Variants in CASZ1 observed in about 807,000 individuals in gnomAD.
The protein encoded by CASZ1 is castor zinc finger 1, also known as zinc finger protein castor homolog 1.
Under a neutral mutation model 135.2 loss-of-function variants are expected in CASZ1, and 28 were observed. The observed-to-expected ratio is 0.21, with a 90% CI of 0.15 to 0.28. The LOEUF is 0.28. Ranked by LOEUF, CASZ1 falls within the 10% of genes least tolerant of loss-of-function variation. CASZ1 has a pLI of 1.00. For synonymous variants in CASZ1, 1,068 were observed against 1,073.4 expected (o/e 0.99, Z 0.10); for missense variants, 2,161 against 2,453.3 (o/e 0.88, Z 2.52).
At chr1:10,795,252 T>C (rs945431873) in intron 1 of CASZ1, among the ~76,000 whole-genome samples, 4 of 151,890 alleles carry the variant, frequency 2.6e-5, no homozygotes, top group Non-Finnish European at 5.9e-5. Context: ...CCTCCGTCAG[T>C]CACCACGCTC....
intron 2 of CASZ1, among the ~76,000 whole-genome samples, chr1:10,728,696 A>G (rs920569568): frequency 1.3e-5 from 2 of 151,786 alleles, no homozygotes; most frequent in Non-Finnish European, 2.9e-5. Flanking sequence ...CTTGAAAAAA[A>G]GCCTCGTTAG....
At chr1:10,672,894 A>G (rs924735393) in intron 4 of CASZ1, among the ~76,000 whole-genome samples, 9 of 152,136 alleles carry the variant, frequency 5.9e-5, no homozygotes, top group Non-Finnish European at 1.2e-4. Context: ...TGGCCTTAAT[A>G]TTTAATTTTG....
intron 1 of CASZ1, among the ~76,000 whole-genome samples, chr1:10,782,275 G>C (rs1251186673): frequency 6.6e-6 from 1 of 152,208 alleles, no homozygotes; most frequent in Non-Finnish European, 1.5e-5. Context: ...GAGAGGGCCT[G>C]GTACTAGTAA....
Position 10,643,272 on chromosome 1 carries a change from A to T in CASZ1, c.3908T>A (p.Ile1303Asn). 1 of 1,613,080 alleles carries T rather than the reference A, an allele frequency of 6.2e-7. No individual in the cohort carries two copies. Among genetic ancestry groups the T allele is most frequent in the Non-Finnish European group, 8.5e-7 (1 of 1,179,998 alleles). ...GAAGGAGAACTGGCAGCCCTCCCGG[A>T]TGCAGTGGAAGTGGCTGTTCACCTG... is the stretch of plus-strand genomic sequence containing the variant. ...YNQVNSHFHC[I>N]REGCQFSFLL... The change falls in exon 19 of 21, where the codon ATC becomes AAC. Residue 1303 changes from isoleucine to asparagine, a missense_variant. Physicochemically the swap from Ile to Asn is moderately radical, Grantham distance 149. This residue lies in a region of CASZ1 where 349 missense variants were observed against 460.8 expected (regional missense o/e 0.76). Transcript: ENST00000377022.
intron 4 of CASZ1, among the ~76,000 whole-genome samples, chr1:10,669,159 C>T (rs1212975889): frequency 2.0e-5 from 3 of 152,200 alleles, no homozygotes; most frequent in Non-Finnish European, 2.9e-5. Context: ...CCAGCGGAGC[C>T]GGCACTGTCA....
rs1218343373 is a variant in CASZ1 at position 10,759,534 on chromosome 1, T to C, written c.-77+1167A>G. The stretch of plus-strand genomic sequence containing the variant: ...ACCAAAGGCCACATTTGCATCTGAT[T>C]TGCAAATCTCTGGGCTGTATCCAGA... On this transcript the variant is annotated intron_variant, in intron 2 of 20. Transcript: ENST00000377022. The surrounding 1 kb of genome is among the most constrained non-coding windows in gnomAD (Gnocchi z 4.2). Among the ~76,000 whole-genome samples the C allele has an allele frequency of 6.6e-6, 1 of 152,162 alleles. No homozygotes were observed. The highest frequency in any genetic ancestry group is 1.5e-5 in the Non-Finnish European group (1 of 68,036).
chr1:10,664,672 C>T (rs72858538), intron 5 of CASZ1, among the ~76,000 whole-genome samples: 3,269 of 152,112 alleles, frequency 0.021, 130 homozygotes, highest in South Asian at 0.11. Context: ...AGGCTCATGC[C>T]GTTGACCGCT....
chr1:10,766,070 G>T (rs573847287), intron 1 of CASZ1, among the ~76,000 whole-genome samples: 1 of 152,210 alleles, frequency 6.6e-6, no homozygotes, highest in Non-Finnish European at 1.5e-5. Flanking sequence ...GATGTGTGGG[G>T]GTTGGGGAGA....
At chr1:10,718,181 G>A (rs985262614) in intron 2 of CASZ1, among the ~76,000 whole-genome samples, 2 of 152,124 alleles carry the variant, frequency 1.3e-5, no homozygotes, top group Non-Finnish European at 2.9e-5. Flanking sequence ...AGTGAGAGAT[G>A]TTCCTCCCCC....
rs888544030 is a variant in CASZ1 at position 10,794,100 on chromosome 1, T to C, written c.-234+2464A>G. 1.5e-4 allele frequency among the ~76,000 whole-genome samples: 23 copies of C among 152,070 alleles called. No individual in the cohort carries two copies. The highest frequency in any genetic ancestry group is 1.5e-5 in the Non-Finnish European group (1 of 67,976). ...TCCCCATGCCCGGCGCAGCTGCTCC[T>C]GCTCAGCCGGGACAGCTCCCTTTAG... On this transcript the variant is annotated intron_variant, in intron 1 of 20. Coordinates refer to ENST00000377022, the MANE Select transcript of CASZ1 (RefSeq NM_001079843.3). The surrounding 1 kb of genome is among the most constrained non-coding windows in gnomAD (Gnocchi z 5.6).
At chr1:10,718,039 TGGGA>T (rs1639426979) in intron 2 of CASZ1, among the ~76,000 whole-genome samples, 1 of 152,222 alleles carries the variant, frequency 6.6e-6, no homozygotes. Flanking sequence ...CACACATCCC[TGGGA>T]GGTGGGTGGA....
rs1445675323 is a variant in CASZ1, at chr1:10,796,639, G to C, written c.-309C>G. Reference sequence around the variant, plus strand: ...GTGTGTGTTTGGGATGGAGCGCCGCGGGCGCGCATGCGCTGCCCAAAGTTG... The same window carrying C: ...GTGTGTGTTTGGGATGGAGCGCCGCCGGCGCGCATGCGCTGCCCAAAGTTG... On this transcript the variant is annotated 5_prime_UTR_variant, in exon 1 of 21. Coordinates refer to ENST00000377022, the MANE Select transcript of CASZ1 (RefSeq NM_001079843.3). 4 of 152,294 alleles carry C rather than the reference G, an allele frequency of 2.6e-5. No individual in the cohort carries two copies. The highest frequency in any genetic ancestry group is 1.3e-4 in the Admixed American group (2 of 15,294). 9.4% of individuals were successfully genotyped at this position (152,294 alleles called of 1,614,324 possible).
intron 2 of CASZ1, among the ~76,000 whole-genome samples, chr1:10,746,814 G>A (rs958872263): frequency 3.9e-5 from 6 of 152,248 alleles, no homozygotes; most frequent in Non-Finnish European, 8.8e-5. Context: ...ATCTGGAGTG[G>A]CCTTTGACCC....
rs1457574388 is a variant in CASZ1 at position 10,639,384 on chromosome 1, G to A, written c.4838C>T (p.Pro1613Leu). The change falls in exon 21 of 21, where the codon CCC becomes CTC. Residue 1613 changes from proline to leucine, a missense_variant. Pro to Leu is a moderately conservative substitution (Grantham distance 98, BLOSUM62 -3). Transcript: ENST00000377022. The surrounding 1 kb of genome is among the most constrained non-coding windows in gnomAD (Gnocchi z 4.0). ...CGACAGGGAGCCGTCCAGACTGATG[G>A]GAGGCCCGGGCGCGGGGCCCTCTGC... ...PAAEGPAPGP[P>L]ISLDGSLSLG... 1.3e-6 allele frequency: 2 copies of A among 1,543,370 alleles called. No homozygotes were observed. The highest frequency in any genetic ancestry group is 1.2e-5 in the South Asian group (1 of 83,832).
chr1:10,745,423 C>T (rs1318370329), intron 2 of CASZ1, among the ~76,000 whole-genome samples: 1 of 152,138 alleles, frequency 6.6e-6, no homozygotes, highest in African/African-American at 2.4e-5. Flanking sequence ...CTTGACCTTC[C>T]TTGCCCTTCG....
intron 5 of CASZ1, chr1:10,660,988 T>G: frequency 5.3e-6 from 1 of 188,322 alleles, no homozygotes; most frequent in Non-Finnish European, 1.1e-5. Flanking sequence ...AGCCCAGGGG[T>G]GGGGAAGATG....
At chr1:10,728,489 A>G (rs1639636322) in intron 2 of CASZ1, among the ~76,000 whole-genome samples, 1 of 152,164 alleles carries the variant, frequency 6.6e-6, no homozygotes, top group African/African-American at 2.4e-5. Flanking sequence ...TTTGTGTTCC[A>G]ATCGAGGGCG....
chr1:10,718,787 A>G (rs1445654212), intron 2 of CASZ1, among the ~76,000 whole-genome samples: 1 of 152,242 alleles, frequency 6.6e-6, no homozygotes, highest in African/African-American at 2.4e-5. Flanking sequence ...TCCCACACCT[A>G]TGACTGGGCA....
rs1268532348 is a variant in CASZ1, at chr1:10,721,743, C to T, written c.-76-16199G>A. ...GGAAGTGGACGGCCCCAGCCTCTAT[C>T]GGATCTGGCAGGCCTGGGGAGGCCT... On this transcript the variant is annotated intron_variant, in intron 2 of 20. Transcript: ENST00000377022. The surrounding 1 kb of genome is among the most constrained non-coding windows in gnomAD (Gnocchi z 5.4). 2.0e-5 allele frequency among the ~76,000 whole-genome samples: 3 copies of T among 152,230 alleles called. No individual in the cohort carries two copies. Among genetic ancestry groups the T allele is most frequent in the Non-Finnish European group, 4.4e-5 (3 of 68,046 alleles).
Sources: allele counts gnomAD v4.1 joint callset (sites outside exome capture counted in the v4.1 genomes callset), GRCh38; gene constraint gnomAD v4.1.1; regional missense constraint gnomAD v4.1.1; non-coding constraint Gnocchi (gnomAD v3.1); transcripts MANE v1.5; gene names NCBI Gene and HGNC (gene_info 2026-07-23, HGNC 2026-07-21).